Variants in PPP6R3 observed in about 807,000 individuals in gnomAD.
PPP6R3 encodes the protein serine/threonine-protein phosphatase 6 regulatory subunit 3.
In PPP6R3, 38 loss-of-function variants were observed where a neutral mutation model predicts 110.7. That is an observed-to-expected ratio of 0.34 (90% CI 0.26 to 0.45). The LOEUF (loss-of-function observed/expected upper bound fraction) is 0.45, where lower values mean the gene tolerates loss of function less well. PPP6R3 is among the 20% of genes least tolerant of loss of function. The pLI, the probability that PPP6R3 is intolerant of heterozygous loss-of-function variation, is 1.00. For synonymous variants in PPP6R3, 369 were observed against 373.5 expected, an observed-to-expected ratio of 0.99 and a Z score of 0.14; for missense variants, 870 against 1,062.4, an observed-to-expected ratio of 0.82 and a Z score of 2.52.
intron 6 of PPP6R3, 66 bp downstream of exon 6, chr11:68,551,252 C>T: frequency 8.5e-7 from 1 of 1,183,010 alleles, no homozygotes; most frequent in Admixed American, 1.8e-5. Flanking sequence ...TTATTGGGCA[C>T]AGAGCATACT....
intron 1 of PPP6R3, among the ~76,000 whole-genome samples, chr11:68,508,585 C>T (rs2099091427): frequency 6.6e-6 from 1 of 152,186 alleles, no homozygotes; most frequent in Non-Finnish European, 1.5e-5. Context: ...GTTTTCATTC[C>T]TGCTGCTCTC....
At chr11:68,498,020 G>T (rs144623586) in intron 1 of PPP6R3, among the ~76,000 whole-genome samples, 1,744 of 152,246 alleles carry the variant, frequency 0.011, 33 homozygotes, top group African/African-American at 0.039. Flanking sequence ...TTTCCCCACA[G>T]TGTCATCTTC....
chr11:68,572,807 A>AC (rs1270166448), intron 12 of PPP6R3, among the ~76,000 whole-genome samples: 1 of 151,862 alleles, frequency 6.6e-6, no homozygotes, highest in Non-Finnish European at 1.5e-5. Context: ...GCACCACTGC[A>AC]CTCCAGCCTG....
chr11:68,576,777 C>T (rs2099533377), intron 14 of PPP6R3, among the ~76,000 whole-genome samples: 1 of 152,188 alleles, frequency 6.6e-6, no homozygotes, highest in Middle Eastern at 3.4e-3. Flanking sequence ...TTATGTTTGG[C>T]GTTTAATTCT....
In PPP6R3 at chr11:68,558,639, A is replaced by G. The variant is rs2099408062; in HGVS notation, c.805A>G (p.Ile269Val). 6.2e-7 allele frequency: 1 copy of G among 1,613,284 alleles called. No homozygotes were observed. The highest frequency in any genetic ancestry group is 8.5e-7 in the Non-Finnish European group (1 of 1,179,670). The change falls in exon 8 of 24, where the codon ATC becomes GTC. Residue 269 changes from isoleucine (I) to valine (V), a missense_variant. Transcript: ENST00000393800. ...EKNESAIVSA[I>V]QILLTLLETR... ...AAATGAGTCAGCCATAGTCAGTGCA[A>G]TCCAGATATTGCTGACTTTACTTGA... is the stretch of plus-strand genomic sequence containing the variant.
intron 1 of PPP6R3, among the ~76,000 whole-genome samples, chr11:68,502,264 CAGT>C (rs2099052663): frequency 6.6e-6 from 1 of 152,134 alleles, no homozygotes; most frequent in Non-Finnish European, 1.5e-5. Context: ...AACATATAAT[CAGT>C]AGGAAAATTG....
At chr11:68,563,916 G>T (rs1442580779) in intron 8 of PPP6R3, among the ~76,000 whole-genome samples, 1 of 152,142 alleles carries the variant, frequency 6.6e-6, no homozygotes, top group Non-Finnish European at 1.5e-5. Flanking sequence ...ACAAGTATAG[G>T]CCTGTTCATT....
chr11:68,461,115 G>T (rs2098701851), intron 1 of PPP6R3, among the ~76,000 whole-genome samples: 1 of 150,834 alleles, frequency 6.6e-6, no homozygotes. Context: ...GACGTTCGCG[G>T]CCTGGCGCGG....
At chr11:68,542,389 G>GTTTTGTT (rs1555132285) in intron 3 of PPP6R3, among the ~76,000 whole-genome samples, 6 of 40,186 alleles carry the variant, frequency 1.5e-4, no homozygotes, top group Non-Finnish European at 2.5e-4. Context: ...AGAAGCTGCT[G>GTTTTGTT]TTTTTTTTTT....
At chr11:68,604,583 C>T (rs1019647868) in intron 22 of PPP6R3, among the ~76,000 whole-genome samples, 3 of 152,108 alleles carry the variant, frequency 2.0e-5, no homozygotes, top group East Asian at 1.9e-4. Flanking sequence ...AATAAATAGT[C>T]GCTGTTGATA....
In PPP6R3 at chr11:68,468,935, T is replaced by G. The variant is rs141651682; in HGVS notation, c.-158+8108T>G. ...GAGTCTCACATTTTATATAGAATCA[T>G]TTTTTCAACATAGTGTGGATAATCA... On this transcript the variant is annotated intron_variant, in intron 1 of 23. Transcript: ENST00000393800. Among the ~76,000 whole-genome samples, 238 of 152,362 alleles carry G rather than the reference T, an allele frequency of 1.6e-3. 1 individual carries two copies. Among genetic ancestry groups the G allele is most frequent in the Middle Eastern group, 6.8e-3 (2 of 294 alleles).
At chr11:68,551,016 C>A in intron 5 of PPP6R3, 105 bp from the exon 6 acceptor site, 1 of 810,204 alleles carries the variant, frequency 1.2e-6, no homozygotes, top group Non-Finnish European at 2.0e-6. Flanking sequence ...AAACCTGTAA[C>A]ATTCTACTTA....
At chr11:68,558,107 C>G (rs1345683859) in intron 7 of PPP6R3, 1 of 152,186 alleles carries the variant, frequency 6.6e-6, no homozygotes, top group Non-Finnish European at 1.5e-5. Context: ...TTGCTAATTA[C>G]ACATTTATGC....
At position 68,516,763 on chromosome 11, in the gene PPP6R3, A is replaced by G. The variant is rs546456142; in HGVS notation, c.-157-2738A>G. On this transcript the variant is annotated intron_variant, in intron 1 of 23. Transcript: ENST00000393800. ...AATTCTATTTTTAATTTTTTGAGGA[A>G]TGAATGTTAACGGTTTTTCCACAGC... is the stretch of plus-strand genomic sequence containing the variant. 5.3e-5 allele frequency among the ~76,000 whole-genome samples: 8 copies of G among 152,316 alleles called. No individual in the cohort carries two copies. The East Asian group carries it at 1.3e-3, about 26-fold the overall frequency.
intron 1 of PPP6R3, among the ~76,000 whole-genome samples, chr11:68,465,479 A>C (rs2098739396): frequency 6.6e-6 from 1 of 152,236 alleles, no homozygotes; most frequent in Non-Finnish European, 1.5e-5. Flanking sequence ...TAGGAAAACT[A>C]TAAATTTTTA....
intron 2 of PPP6R3, among the ~76,000 whole-genome samples, chr11:68,528,956 A>T (rs968901558): frequency 5.3e-5 from 8 of 152,164 alleles, no homozygotes; most frequent in Admixed American, 2.0e-4. Flanking sequence ...GGTTGAGTAC[A>T]TCCTGTTCCC....
At chr11:68,607,233 A>G (rs1426906317) in intron 22 of PPP6R3, among the ~76,000 whole-genome samples, 1 of 152,230 alleles carries the variant, frequency 6.6e-6, no homozygotes, top group Non-Finnish European at 1.5e-5. Flanking sequence ...AGATTGAAAA[A>G]GGGACTTGCC....
intron 19 of PPP6R3, among the ~76,000 whole-genome samples, chr11:68,600,058 C>G (rs970699471): frequency 3.6e-4 from 55 of 152,258 alleles, no homozygotes; most frequent in Non-Finnish European, 5.1e-4. Context: ...GGAGGCGGAG[C>G]TTGCAGTGAG....
intron 1 of PPP6R3, among the ~76,000 whole-genome samples, chr11:68,498,563 T>G (rs1194677320): frequency 2.0e-5 from 3 of 152,194 alleles, no homozygotes; most frequent in African/African-American, 7.2e-5. Context: ...CAGCACTGAT[T>G]AGTTTTGCCC....
Sources: gnomAD v4.1 joint callset for allele counts (sites outside exome capture counted in the v4.1 genomes callset) on GRCh38, gnomAD v4.1.1 for gene constraint, MANE v1.5 for transcripts, NCBI Gene and HGNC (gene_info 2026-07-23, HGNC 2026-07-21) for gene names.